CAPN13: variants seen among roughly 807,000 people sequenced by gnomAD.
CAPN13 encodes the protein calpain-13.
CAPN13 carries 90 observed loss-of-function variants against 98.4 expected under a neutral mutation model. That is an observed-to-expected ratio of 0.92 (90% CI 0.77 to 1.09). CAPN13 has a LOEUF of 1.09. Among genes scored for constraint, CAPN13 ranks in the 50% least tolerant of loss-of-function variants. The probability of loss-of-function intolerance (pLI) is 0.00; values close to 1 mark genes in which losing one functional copy is unlikely to be tolerated. For missense variants in CAPN13, 887 were observed against 841.3 expected (o/e 1.05, Z -0.67); for synonymous variants, 330 against 305.5 (o/e 1.08, Z -0.84).
chr2:30,745,970 G>T (rs932411548), intron 11 of CAPN13, among the ~76,000 whole-genome samples: 1 of 131,060 alleles, frequency 7.6e-6, no homozygotes, highest in African/African-American at 3.0e-5. Context: ...GTGCAATCTC[G>T]GCTTACTGCA....
rs369236743 is a variant in CAPN13 at position 30,777,651 on chromosome 2, A to G, written c.199-12T>C. 4.9e-5 allele frequency: 77 copies of G among 1,556,182 alleles called. No individual in the cohort carries two copies. The highest frequency in any genetic ancestry group is 9.5e-5 in the Admixed American group (5 of 52,710). On this transcript the variant is annotated splice_polypyrimidine_tract_variant and intron_variant, in intron 2 of 22. Transcript: ENST00000295055. ...CCCCCTGGTAGATCCTTTAGGAAAG[A>G]GGGAGAAAAGCTATGAACATCGTTT...
At chr2:30,798,224 A>G (rs72867194) in intron 1 of CAPN13, among the ~76,000 whole-genome samples, 2,644 of 152,362 alleles carry the variant, frequency 0.017, 74 homozygotes, top group African/African-American at 0.061. Context: ...AAATGTAAAT[A>G]TTCACATGCA....
intron 9 of CAPN13, among the ~76,000 whole-genome samples, chr2:30,753,925 C>A (rs59399836): frequency 0.095 from 14,510 of 152,080 alleles, 1,502 homozygotes; most frequent in African/African-American, 0.26. Flanking sequence ...TGACGTCATG[C>A]TAGAGGAAAC....
intron 11 of CAPN13, among the ~76,000 whole-genome samples, chr2:30,747,252 C>A (rs942863101): frequency 1.1e-4 from 17 of 151,918 alleles, no homozygotes; most frequent in Non-Finnish European, 2.2e-4. Context: ...CGATGCTGGG[C>A]TCCCTATTTT....
At chr2:30,801,998 G>A (rs1325868800) in intron 1 of CAPN13, among the ~76,000 whole-genome samples, 13 of 152,314 alleles carry the variant, frequency 8.5e-5, no homozygotes, top group South Asian at 2.1e-4. Flanking sequence ...CCTGCGCTGC[G>A]TCTAGCCACA....
intron 2 of CAPN13, among the ~76,000 whole-genome samples, chr2:30,780,117 G>A (rs1047004569): frequency 1.3e-5 from 2 of 152,166 alleles, no homozygotes; most frequent in African/African-American, 4.8e-5. Flanking sequence ...TAACAGCCTT[G>A]GAATAGTATT....
At chr2:30,740,082 GTT>G (rs143581068) in intron 15 of CAPN13, among the ~76,000 whole-genome samples, 1,535 of 121,330 alleles carry the variant, frequency 0.013, 69 homozygotes, top group African/African-American at 0.031. Flanking sequence ...ATTGTATTAG[GTT>G]TTTTTTTTTT....
intron 13 of CAPN13, among the ~76,000 whole-genome samples, chr2:30,742,711 T>G (rs571434551): frequency 8.5e-5 from 13 of 152,300 alleles, no homozygotes; most frequent in African/African-American, 3.1e-4. Flanking sequence ...GTCTCACCAA[T>G]GCTCAGCTGC....
chr2:30,734,439 C>T lies in CAPN13; in HGVS notation c.1798+10G>A, dbSNP rs776910173. On this transcript the variant is annotated intron_variant, in intron 19 of 22. Coordinates refer to ENST00000295055, the MANE Select transcript of CAPN13 (RefSeq NM_144575.3). ...CCTTGGGCACCACAGCTCCAAAGTC[C>T]CCATTGTACCTGTATTCTCTATGGC... 1.2e-6 allele frequency: 2 copies of T among 1,611,514 alleles called. No homozygotes were observed. The highest frequency in any genetic ancestry group is 2.2e-5 in the East Asian group (1 of 44,842).
At chr2:30,762,734 A>G (rs1185512549) in intron 7 of CAPN13, among the ~76,000 whole-genome samples, 1 of 152,098 alleles carries the variant, frequency 6.6e-6, no homozygotes, top group African/African-American at 2.4e-5. Context: ...AACAAATAAA[A>G]CCCCTTTCAG....
intron 22 of CAPN13, among the ~76,000 whole-genome samples, chr2:30,725,446 T>G (rs1411688169): frequency 6.6e-6 from 1 of 151,786 alleles, no homozygotes; most frequent in Non-Finnish European, 1.5e-5. Context: ...AACAGAAGTA[T>G]TCTTACAACA....
chr2:30,788,405 C>T (rs746852008), intron 1 of CAPN13, among the ~76,000 whole-genome samples: 39 of 152,174 alleles, frequency 2.6e-4, no homozygotes, highest in East Asian at 1.9e-4. Context: ...GCCACAGGAA[C>T]GTAACTGGTG....
At chr2:30,787,575 G>A (rs934187410) in intron 1 of CAPN13, among the ~76,000 whole-genome samples, 3 of 152,296 alleles carry the variant, frequency 2.0e-5, no homozygotes, top group East Asian at 1.9e-4. Flanking sequence ...CAGCTTTCCC[G>A]TGTGCTTTCA....
chr2:30,743,027 C>T lies in CAPN13; in HGVS notation c.1445+356G>A, dbSNP rs1181789206. On this transcript the variant is annotated intron_variant, in intron 13 of 22. Coordinates refer to ENST00000295055, the MANE Select transcript of CAPN13 (RefSeq NM_144575.3). ...CATGCTTTTTTCTTCTACCTACCTT[C>T]CCATGGCTACCATCGCCTTCCCTTT... The T allele has an allele frequency of 1.4e-5, 4 of 279,050 alleles. No individual in the cohort carries two copies. In the Admixed American group the frequency reaches 2.0e-4, roughly 14 times the overall value. The allele number at this position is 279,050 out of a possible 1,614,324, so 17.3% of individuals were successfully genotyped here.
intron 1 of CAPN13, among the ~76,000 whole-genome samples, chr2:30,804,640 G>A (rs1165924094): frequency 6.6e-6 from 1 of 152,160 alleles, no homozygotes; most frequent in Non-Finnish European, 1.5e-5. Context: ...CCATGCTTTA[G>A]GAAACACTTG....
intron 2 of CAPN13, among the ~76,000 whole-genome samples, chr2:30,785,727 T>C (rs1349602377): frequency 6.6e-6 from 1 of 152,204 alleles, no homozygotes; most frequent in Non-Finnish European, 1.5e-5. Context: ...GTCTTACATC[T>C]ATTGCTCAGC....
intron 5 of CAPN13, 58 bp from the exon 6 acceptor site, chr2:30,764,364 G>A: frequency 6.3e-7 from 1 of 1,576,132 alleles, no homozygotes; most frequent in South Asian, 1.2e-5. Flanking sequence ...CTCTGGGAGG[G>A]GAGCTTGTGC....
At chr2:30,766,661 T>G (rs1043111080) in intron 5 of CAPN13, among the ~76,000 whole-genome samples, 2 of 152,090 alleles carry the variant, frequency 1.3e-5, no homozygotes, top group Non-Finnish European at 2.9e-5. Context: ...TCAGCCTCAT[T>G]TGGGGAAAAT....
At chr2:30,757,588 T>A (rs929806612) in intron 8 of CAPN13, among the ~76,000 whole-genome samples, 26 of 152,286 alleles carry the variant, frequency 1.7e-4, no homozygotes, top group Non-Finnish European at 2.2e-4. Flanking sequence ...TTAGGACACC[T>A]TTTCCACCCT....
Sources: allele counts gnomAD v4.1 joint callset (sites outside exome capture counted in the v4.1 genomes callset), GRCh38; gene constraint gnomAD v4.1.1; transcripts MANE v1.5; gene names NCBI Gene and HGNC (gene_info 2026-07-23, HGNC 2026-07-21).